Variants in GUCY1B1 observed in about 807,000 individuals in gnomAD.
GUCY1B1 encodes the protein guanylate cyclase soluble subunit beta-1.
A neutral mutation model predicts 71.0 loss-of-function variants in GUCY1B1; 43 were observed. The observed-to-expected ratio is 0.61, with a 90% CI of 0.47 to 0.78. GUCY1B1 has a LOEUF of 0.78. Ranked by LOEUF, GUCY1B1 falls within the 30% of genes least tolerant of loss-of-function variation. The pLI is 0.00. For missense variants in GUCY1B1, 535 were observed against 754.1 expected (o/e 0.71, Z 3.40); for synonymous variants, 266 against 259.7 (o/e 1.02, Z -0.23).
intron 2 of GUCY1B1, 138 bp from the exon 3 acceptor site, chr4:155,774,830 A>T: frequency 1.3e-5 from 8 of 630,440 alleles, no homozygotes; most frequent in Non-Finnish European, 2.3e-5. Flanking sequence ...GTACATGATG[A>T]TGTTTAAACA....
intron 2 of GUCY1B1, among the ~76,000 whole-genome samples, chr4:155,773,743 AAT>A (rs1737844133): frequency 1.3e-5 from 2 of 152,108 alleles, no homozygotes; most frequent in African/African-American, 2.4e-5. Flanking sequence ...TTACCTTTAG[AAT>A]ATATATGAGT....
intron 5 of GUCY1B1, among the ~76,000 whole-genome samples, chr4:155,791,515 G>A (rs1739164870): frequency 6.7e-6 from 1 of 149,732 alleles, no homozygotes; most frequent in Admixed American, 6.6e-5. Flanking sequence ...GGGATCACGA[G>A]GTCAGGAGAT....
intron 4 of GUCY1B1, among the ~76,000 whole-genome samples, chr4:155,783,372 T>A (rs1269715409): frequency 6.6e-6 from 1 of 152,192 alleles, no homozygotes; most frequent in African/African-American, 2.4e-5. Context: ...GGCTGCCAGG[T>A]TGACTATGAA....
chr4:155,772,170 C>T (rs573802732), intron 2 of GUCY1B1, among the ~76,000 whole-genome samples: 10 of 152,144 alleles, frequency 6.6e-5, no homozygotes, highest in Admixed American at 2.0e-4. Context: ...TTGAGGTCTT[C>T]GAAGAGTTGT....
At position 155,759,026 on chromosome 4, in the gene GUCY1B1, A is replaced by C; in HGVS notation, c.-115A>C. The C allele has an allele frequency of 8.6e-7, 1 of 1,168,778 alleles. No homozygotes were observed. The highest frequency in any genetic ancestry group is 1.2e-6 in the Non-Finnish European group (1 of 807,516). 72.4% of individuals were successfully genotyped at this position (1,168,778 alleles called of 1,614,324 possible). Reference sequence around the variant, plus strand: ...GGGCCAAGGCGGCTGTTCTCGCTCCAGCTCGATGCTGCCTCCCCGGCCCGG... The same window carrying C: ...GGGCCAAGGCGGCTGTTCTCGCTCCCGCTCGATGCTGCCTCCCCGGCCCGG... On this transcript the variant is annotated 5_prime_UTR_variant, in exon 1 of 14. Transcript: ENST00000264424.
chr4:155,781,170 G>A (rs1344026787), intron 4 of GUCY1B1, among the ~76,000 whole-genome samples: 3 of 152,004 alleles, frequency 2.0e-5, no homozygotes, highest in African/African-American at 7.3e-5. Flanking sequence ...CATATAATAG[G>A]CAATTAATGA....
chr4:155,770,026 G>A lies in GUCY1B1; in HGVS notation c.78-4942G>A, dbSNP rs147298651. On this transcript the variant is annotated intron_variant, in intron 2 of 13. Transcript: ENST00000264424. ...ATTTAAGCCCATATAAATTCTACTT[G>A]TCACAAAAATAAATTTTAAATTACT... Among the ~76,000 whole-genome samples the A allele has an allele frequency of 6.6e-5, 10 of 152,208 alleles. No individual in the cohort carries two copies. In the East Asian group the frequency reaches 1.9e-3, roughly 29 times the overall value.
intron 3 of GUCY1B1, 78 bp downstream of exon 3, chr4:155,775,146 G>A (rs1054569481): frequency 4.3e-5 from 35 of 806,110 alleles, no homozygotes; most frequent in East Asian, 1.5e-4. Context: ...AGATCACAAC[G>A]CAGGGTTACA....
At chr4:155,778,346 T>C (rs907992278) in intron 4 of GUCY1B1, among the ~76,000 whole-genome samples, 1 of 152,246 alleles carries the variant, frequency 6.6e-6, no homozygotes, top group Non-Finnish European at 1.5e-5. Context: ...ATTTTAAGCA[T>C]TGACATTTGT....
At chr4:155,795,719 C>G (rs1739506119) in intron 7 of GUCY1B1, among the ~76,000 whole-genome samples, 1 of 152,134 alleles carries the variant, frequency 6.6e-6, no homozygotes, top group African/African-American at 2.4e-5. Context: ...AAAAAACCAA[C>G]ATCTTTTACT....
intron 2 of GUCY1B1, among the ~76,000 whole-genome samples, chr4:155,771,437 A>G (rs1186003596): frequency 6.6e-6 from 1 of 152,090 alleles, no homozygotes; most frequent in Non-Finnish European, 1.5e-5. Flanking sequence ...TACCTTGTTT[A>G]TTTATGGGTT....
rs1244171352 is a variant in GUCY1B1, at chr4:155,802,424, GTGACCAT to G, written c.1259_1265del (p.Val420AlafsTer23). On this transcript the variant is annotated frameshift_variant, in exon 10 of 14. Coordinates refer to ENST00000264424, the MANE Select transcript of GUCY1B1 (RefSeq NM_000857.5). LOFTEE classifies it high-confidence loss of function. This position sits in a 1 kb window ranked among gnomAD's most constrained non-coding sequence, Gnocchi z 4.3. ...AGTGCCTGCCAAAAGATATGACAAT[GTGACCAT>G]CCTCTTTAGTGGCATTGTGGGCTTC... 6.2e-7 allele frequency: 1 copy of G among 1,613,798 alleles called. No individual in the cohort carries two copies.
rs190102784 is a variant in GUCY1B1 at position 155,768,406 on chromosome 4, G to A, written c.78-6562G>A. Among the ~76,000 whole-genome samples, 8 of 148,632 alleles carry A rather than the reference G, an allele frequency of 5.4e-5. No homozygotes were observed. In the East Asian group the frequency reaches 1.2e-3, roughly 22 times the overall value. On this transcript the variant is annotated intron_variant, in intron 2 of 13. Coordinates refer to ENST00000264424, the MANE Select transcript of GUCY1B1 (RefSeq NM_000857.5). Reference sequence around the variant, plus strand: ...AATAAATAATAAAAAATATTCTTTAGTTTGAAAGCAAATGATGGACTTTTG... The same window carrying A: ...AATAAATAATAAAAAATATTCTTTAATTTGAAAGCAAATGATGGACTTTTG...
In GUCY1B1 at chr4:155,760,688, T is replaced by C. The variant is rs1736943676; in HGVS notation, c.77+828T>C. Reference sequence around the variant, plus strand: ...CAAAAAATTTGCATTTAACTTATGGTACAGCTGACCACCACCAACTAGCTA... The same window carrying C: ...CAAAAAATTTGCATTTAACTTATGGCACAGCTGACCACCACCAACTAGCTA... On this transcript the variant is annotated intron_variant, in intron 2 of 13. Coordinates refer to ENST00000264424, the MANE Select transcript of GUCY1B1 (RefSeq NM_000857.5). 2.6e-5 allele frequency among the ~76,000 whole-genome samples: 4 copies of C among 152,302 alleles called. No homozygotes were observed. In the South Asian group the frequency reaches 8.3e-4, roughly 32 times the overall value.
At position 155,806,465 on chromosome 4, in the gene GUCY1B1, A is replaced by C; in HGVS notation, c.*56A>C. Reference sequence around the variant, plus strand: ...GACTAGGTTCCAGTTTTCTCCTAACACGTGCCAAGCCCAGGAGCAGTTCTT... The same window carrying C: ...GACTAGGTTCCAGTTTTCTCCTAACCCGTGCCAAGCCCAGGAGCAGTTCTT... On this transcript the variant is annotated 3_prime_UTR_variant, in exon 14 of 14. Transcript: ENST00000264424. 1 of 1,243,806 alleles carries C rather than the reference A, an allele frequency of 8.0e-7. No homozygotes were observed. Among genetic ancestry groups the C allele is most frequent in the Non-Finnish European group, 1.2e-6 (1 of 845,772 alleles). The allele number at this position is 1,243,806 out of a possible 1,614,324, so 77.0% of individuals were successfully genotyped here. A position where few individuals can be genotyped will look rare whatever the true frequency, so the allele number is the denominator to read the frequency against.
chr4:155,773,979 G>A (rs1453491268), intron 2 of GUCY1B1, among the ~76,000 whole-genome samples: 2 of 152,048 alleles, frequency 1.3e-5, no homozygotes, highest in African/African-American at 2.4e-5. Context: ...GAGCCACCGC[G>A]CCCAGCCCAC....
intron 2 of GUCY1B1, among the ~76,000 whole-genome samples, chr4:155,762,329 A>G (rs1197368396): frequency 6.8e-6 from 1 of 147,664 alleles, no homozygotes; most frequent in Non-Finnish European, 1.5e-5. Flanking sequence ...ATAAGAGGAA[A>G]AACATTTTTT....
chr4:155,759,049 C>T lies in GUCY1B1; in HGVS notation c.-92C>T. 7.4e-7 allele frequency: 1 copy of T among 1,355,462 alleles called. No homozygotes were observed. The allele number at this position is 1,355,462 out of a possible 1,614,324, so 84.0% of individuals were successfully genotyped here. A position where few individuals can be genotyped will look rare whatever the true frequency, so the allele number is the denominator to read the frequency against. On this transcript the variant is annotated 5_prime_UTR_variant, in exon 1 of 14. Transcript: ENST00000264424. ...CCAGCTCGATGCTGCCTCCCCGGCC[C>T]GGTTGCGCTGTAGCCGCTGCCGCCT...
intron 4 of GUCY1B1, among the ~76,000 whole-genome samples, chr4:155,780,068 A>G (rs1301208395): frequency 1.3e-5 from 2 of 152,076 alleles, no homozygotes; most frequent in African/African-American, 4.8e-5. Flanking sequence ...TCTCCATCCT[A>G]TAACTCTAGT....
Sources: gnomAD v4.1 joint callset for allele counts (sites outside exome capture counted in the v4.1 genomes callset) on GRCh38, gnomAD v4.1.1 for gene constraint, Gnocchi (gnomAD v3.1) non-coding constraint, MANE v1.5 for transcripts, NCBI Gene and HGNC (gene_info 2026-07-23, HGNC 2026-07-21) for gene names.